Variants in RPS6KA5 observed in about 807,000 individuals in gnomAD.
RPS6KA5 encodes ribosomal protein S6 kinase alpha-5.
Under a neutral mutation model 85.5 loss-of-function variants are expected in RPS6KA5, and 27 were observed. The ratio of observed to expected loss-of-function variants is 0.32; its 90% CI spans 0.23 to 0.44. RPS6KA5 has a LOEUF of 0.44. RPS6KA5 is among the 20% of genes least tolerant of loss of function. The pLI is 1.00. For synonymous variants in RPS6KA5, 334 were observed against 348.2 expected (o/e 0.96, Z 0.46); for missense variants, 811 against 980.9 (o/e 0.83, Z 2.31).
rs2032244944 is a variant in RPS6KA5, at chr14:90,855,647, G to C, written c.*16427C>G. 7.1e-6 allele frequency: 1 copy of C among 140,848 alleles called. No individual in the cohort carries two copies. The highest frequency in any genetic ancestry group is 2.7e-5 in the African/African-American group (1 of 37,498). 8.7% of individuals were successfully genotyped at this position (140,848 alleles called of 1,614,324 possible). On this transcript the variant is annotated 3_prime_UTR_variant, in exon 17 of 17. Coordinates refer to ENST00000614987, the MANE Select transcript of RPS6KA5 (RefSeq NM_004755.4). ...TTTTGAGACAGAGTCTTGCTCTGTT[G>C]CCCAGGCTGGAGTGCAGTGGCGCGA...
intron 2 of RPS6KA5, among the ~76,000 whole-genome samples, chr14:90,990,609 T>C (rs550025728): frequency 6.6e-6 from 1 of 152,304 alleles, no homozygotes; most frequent in African/African-American, 2.4e-5. Context: ...GCAGCACTAT[T>C]CAAAATAGCA....
At chr14:91,019,613 C>A (rs1377106717) in intron 1 of RPS6KA5, among the ~76,000 whole-genome samples, 1 of 152,120 alleles carries the variant, frequency 6.6e-6, no homozygotes, top group Non-Finnish European at 1.5e-5. Context: ...CACACATAGT[C>A]CTTTACTTAC....
chr14:90,877,615 G>T (rs146016720), intron 14 of RPS6KA5, among the ~76,000 whole-genome samples: 1 of 152,166 alleles, frequency 6.6e-6, no homozygotes, highest in Admixed American at 6.6e-5. Context: ...AGCTTCTGCA[G>T]TTCCCCATAT....
chr14:90,988,104 A>C (rs1367913670), intron 2 of RPS6KA5, among the ~76,000 whole-genome samples: 3 of 152,248 alleles, frequency 2.0e-5, no homozygotes, highest in African/African-American at 4.8e-5. Flanking sequence ...GAAGCGACAT[A>C]ATCAAATTTG....
intron 1 of RPS6KA5, among the ~76,000 whole-genome samples, chr14:91,028,674 G>A (rs565245730): frequency 3.3e-5 from 5 of 151,886 alleles, no homozygotes; most frequent in East Asian, 3.9e-4. Context: ...GCCCACCACC[G>A]CGCCCTGCTA....
chr14:91,028,523 AT>A lies in RPS6KA5; in HGVS notation c.104-27365del, dbSNP rs34122342. On this transcript the variant is annotated intron_variant, in intron 1 of 16. Coordinates refer to ENST00000614987, the MANE Select transcript of RPS6KA5 (RefSeq NM_004755.4). ...GAGCCACCATGCCCAGCCTTAAATG[AT>A]TTTTTTTTTTTTGAGACAAAGTCTC... 6.9e-3 allele frequency among the ~76,000 whole-genome samples: 986 copies of A among 143,932 alleles called. 8 individuals are homozygous for A. Among genetic ancestry groups the A allele is most frequent in the Admixed American group, 0.03 (438 of 14,450 alleles). The allele number at this position is 143,932 out of a possible 152,430, so 94.4% of individuals were successfully genotyped here. A position where few individuals can be genotyped will look rare whatever the true frequency, so the allele number is the denominator to read the frequency against.
intron 9 of RPS6KA5, among the ~76,000 whole-genome samples, chr14:90,902,073 A>T (rs1270559774): frequency 1.3e-5 from 2 of 151,170 alleles, no homozygotes; most frequent in Non-Finnish European, 2.9e-5. Flanking sequence ...CCAGCTATTC[A>T]GGAGGCTGAG....
intron 1 of RPS6KA5, among the ~76,000 whole-genome samples, chr14:91,012,792 CAA>C (rs2041315068): frequency 6.6e-6 from 1 of 152,168 alleles, no homozygotes; most frequent in African/African-American, 2.4e-5. Flanking sequence ...TGAAGCTAGG[CAA>C]AAGAGTGGTA....
intron 7 of RPS6KA5, among the ~76,000 whole-genome samples, chr14:90,912,554 T>C (rs2035884707): frequency 6.6e-6 from 1 of 152,206 alleles, no homozygotes; most frequent in African/African-American, 2.4e-5. Context: ...CAGAATACAA[T>C]GTGGGTGACT....
At chr14:90,916,228 GCT>G (rs1566736709) in intron 7 of RPS6KA5, among the ~76,000 whole-genome samples, 1 of 152,066 alleles carries the variant, frequency 6.6e-6, no homozygotes, top group Admixed American at 6.6e-5. Context: ...CCTTATAGAA[GCT>G]CCATCCTTTC....
At chr14:90,918,440 C>G (rs1267301493) in intron 7 of RPS6KA5, among the ~76,000 whole-genome samples, 2 of 152,212 alleles carry the variant, frequency 1.3e-5, no homozygotes, top group Non-Finnish European at 2.9e-5. Context: ...CTTCAGCAGA[C>G]ATATGATTTA....
intron 1 of RPS6KA5, among the ~76,000 whole-genome samples, chr14:91,056,077 C>T (rs1385908159): frequency 1.3e-5 from 2 of 152,148 alleles, no homozygotes; most frequent in Non-Finnish European, 2.9e-5. Flanking sequence ...AAAAAAAGAA[C>T]CAATAAGCTA....
At chr14:91,025,947 G>T (rs2041975845) in intron 1 of RPS6KA5, among the ~76,000 whole-genome samples, 1 of 152,128 alleles carries the variant, frequency 6.6e-6, no homozygotes. Flanking sequence ...CACCCAGGTA[G>T]TGACCATAGT....
chr14:90,872,102 AG>A lies in RPS6KA5; in HGVS notation c.2380del (p.Leu794SerfsTer8). ...NPADSNNPETLFQFSDSVA is the reference protein window; with the variant it reads ...NPADSNNPETXFQFSDSVA ...AGCTACTGAGTCCGAGAACTGGAAG[AG>A]GGTCTCCGGGTTATTGCTGTCGGCA... On this transcript the variant is annotated frameshift_variant, in exon 17 of 17. Coordinates refer to ENST00000614987, the MANE Select transcript of RPS6KA5 (RefSeq NM_004755.4). LOFTEE classifies it high-confidence loss of function. The A allele has an allele frequency of 6.2e-7, 1 of 1,613,396 alleles. No homozygotes were observed. The highest frequency in any genetic ancestry group is 8.5e-7 in the Non-Finnish European group (1 of 1,179,760).
At position 90,894,476 on chromosome 14, in the gene RPS6KA5, C is replaced by T. The variant is rs1344789464; in HGVS notation, c.1581G>A (p.Lys527=). The change falls in exon 13 of 17, where the codon AAG becomes AAA. Residue 527 remains lysine (K), a synonymous_variant. Coordinates refer to ENST00000614987, the MANE Select transcript of RPS6KA5 (RefSeq NM_004755.4). ...SETEASYIMR[K]LVSAVSHMHD... ...GCATGTGGCTTACAGCTGAAACAAG[C>T]TTCCTCATGATGTAGCTGGCTTCCG... The T allele has an allele frequency of 1.9e-6, 3 of 1,614,032 alleles. No individual in the cohort carries two copies. The highest frequency in any genetic ancestry group is 3.3e-4 in the Middle Eastern group (2 of 6,082).
chr14:90,973,068 G>A (rs561803865), intron 3 of RPS6KA5, among the ~76,000 whole-genome samples: 2 of 152,364 alleles, frequency 1.3e-5, no homozygotes, highest in South Asian at 4.1e-4. Flanking sequence ...GTTCTGTGGA[G>A]AAACAGGCAC....
At chr14:91,044,864 T>A in intron 1 of RPS6KA5, among the ~76,000 whole-genome samples, 1 of 133,580 alleles carries the variant, frequency 7.5e-6, no homozygotes, top group South Asian at 2.4e-4. Context: ...GAGCGAGACG[T>A]GTCAAAAAAA....
intron 7 of RPS6KA5, among the ~76,000 whole-genome samples, chr14:90,910,812 A>C (rs548651535): frequency 6.6e-6 from 1 of 151,754 alleles, no homozygotes; most frequent in East Asian, 1.9e-4. Context: ...CAGCCTCCTG[A>C]GTACCTGGGA....
Position 90,871,741 on chromosome 14 carries a change from T to C in RPS6KA5, c.*333A>G, listed in dbSNP as rs1473004956. Reference sequence around the variant, plus strand: ...AAAGGTATCATCACAGTATGAGTCATTTCTTGTTGGCAGACATCTGGAAAA... The same window carrying C: ...AAAGGTATCATCACAGTATGAGTCACTTCTTGTTGGCAGACATCTGGAAAA... On this transcript the variant is annotated 3_prime_UTR_variant, in exon 17 of 17. Transcript: ENST00000614987. 2.0e-5 allele frequency: 4 copies of C among 196,366 alleles called. No individual in the cohort carries two copies. The Admixed American group carries it at 2.1e-4, about 10-fold the overall frequency. The allele number at this position is 196,366 out of a possible 1,614,324, so 12.2% of individuals were successfully genotyped here.
Sources: gnomAD v4.1 joint callset for allele counts (sites outside exome capture counted in the v4.1 genomes callset) on GRCh38, gnomAD v4.1.1 for gene constraint, MANE v1.5 for transcripts, NCBI Gene and HGNC (gene_info 2026-07-23, HGNC 2026-07-21) for gene names.